PADI4: variants seen among roughly 807,000 people sequenced by gnomAD.
PADI4 encodes the protein protein-arginine deiminase type-4.
PADI4 carries 62 observed loss-of-function variants against 75.0 expected under a neutral mutation model. The ratio of observed to expected loss-of-function variants is 0.83; its 90% CI spans 0.67 to 1.02. PADI4 has a LOEUF of 1.02. Among genes scored for constraint, PADI4 ranks in the 50% least tolerant of loss-of-function variants. The pLI, the probability that PADI4 is intolerant of heterozygous loss-of-function variation, is 0.00. For synonymous variants in PADI4, 361 were observed against 348.1 expected, an observed-to-expected ratio of 1.04 and a Z score of -0.41; for missense variants, 845 against 850.5, an observed-to-expected ratio of 0.99 and a Z score of 0.08.
At position 17,356,379 on chromosome 1, in the gene PADI4, G is replaced by A. The variant is rs1285423398; in HGVS notation, c.1478G>A (p.Ser493Asn). The A allele has an allele frequency of 1.9e-6, 3 of 1,611,992 alleles. No homozygotes were observed. In the African/African-American group the frequency reaches 4.0e-5, roughly 22 times the overall value. The stretch of plus-strand genomic sequence containing the variant: ...CAGGGCTTCCGGCTGCTCCTGGCCA[G>A]CCCCAGGTCCTGCTACAAACTGTTC... Reference protein sequence around the residue: ...DRKGFRLLLASPRSCYKLFQE... With the variant: ...DRKGFRLLLANPRSCYKLFQE... The change falls in exon 13 of 16, where the codon AGC becomes AAC. Residue 493 changes from serine (S) to asparagine (N), a missense_variant. Physicochemically the swap from Ser to Asn is conservative, Grantham distance 46 (BLOSUM62 1). Coordinates refer to ENST00000375448, the MANE Select transcript of PADI4 (RefSeq NM_012387.3). This position sits in a 1 kb window ranked among gnomAD's most constrained non-coding sequence, Gnocchi z 4.1.
rs1268475402 is a variant in PADI4, at chr1:17,324,158, T to G, written c.93-6811T>G. Reference sequence around the variant, plus strand: ...AACACCAAGTTGGGTTTTTTTTGTTTTTTTTTTTTTGCAAAATGGTTAATT... The same window carrying G: ...AACACCAAGTTGGGTTTTTTTTGTTGTTTTTTTTTTGCAAAATGGTTAATT... On this transcript the variant is annotated intron_variant, in intron 1 of 15. Transcript: ENST00000375448. Among the ~76,000 whole-genome samples, 11 of 151,550 alleles carry G rather than the reference T, an allele frequency of 7.3e-5. 1 individual carries two copies. The Middle Eastern group carries it at 0.02, about 281-fold the overall frequency.
intron 4 of PADI4, 37 bp downstream of exon 4, chr1:17,336,263 T>G (rs1190475176): frequency 8.4e-6 from 13 of 1,545,106 alleles, no homozygotes; most frequent in South Asian, 7.8e-5. Context: ...CTACTTCTAC[T>G]GGATTCTCCC....
chr1:17,355,125 G>A (rs1390386682), intron 11 of PADI4, among the ~76,000 whole-genome samples: 1 of 152,096 alleles, frequency 6.6e-6, no homozygotes, highest in African/African-American at 2.4e-5. Flanking sequence ...TTTGAACTGA[G>A]GCCTAATGAC....
intron 8 of PADI4, among the ~76,000 whole-genome samples, chr1:17,343,963 G>C (rs1312394967): frequency 6.6e-6 from 1 of 152,164 alleles, no homozygotes; most frequent in Non-Finnish European, 1.5e-5. Context: ...TTTGGAACTG[G>C]GTAACAGACA....
In PADI4 at chr1:17,363,916, C is replaced by G. The variant is rs2074884548; in HGVS notation, c.*161C>G. On this transcript the variant is annotated 3_prime_UTR_variant, in exon 16 of 16. Transcript: ENST00000375448. ...TCCTGTGATGTCCCAGTTTCCCACT[C>G]TGAAGATCCCAACATGGTCCTAGCA... 1 of 591,836 alleles carries G rather than the reference C, an allele frequency of 1.7e-6. No homozygotes were observed. 36.7% of individuals were successfully genotyped at this position (591,836 alleles called of 1,614,324 possible).
In PADI4 at chr1:17,352,103, GTA is replaced by G. The variant is rs1347472269; in HGVS notation, c.1156-2429_1156-2428del. ...GCAGTCAGGGAGGTGATGGGAGGTG[GTA>G]GGAGAGACTGTGGTCAGAGAGGTGA... On this transcript the variant is annotated intron_variant, in intron 10 of 15. Coordinates refer to ENST00000375448, the MANE Select transcript of PADI4 (RefSeq NM_012387.3). Among the ~76,000 whole-genome samples, 23 of 137,000 alleles carry G rather than the reference GTA, an allele frequency of 1.7e-4. 2 individuals are homozygous for G. The highest frequency in any genetic ancestry group is 3.6e-4 in the Admixed American group (5 of 13,750). The allele number at this position is 137,000 out of a possible 152,430, so 89.9% of individuals were successfully genotyped here. A position where few individuals can be genotyped will look rare whatever the true frequency, so the allele number is the denominator to read the frequency against.
intron 8 of PADI4, among the ~76,000 whole-genome samples, chr1:17,342,637 C>G (rs1570055621): frequency 6.6e-6 from 1 of 152,150 alleles, no homozygotes; most frequent in Admixed American, 6.5e-5. Context: ...AGAGTGTGTC[C>G]CATGGACCTT....
chr1:17,317,394 G>A (rs1165200062), intron 1 of PADI4, among the ~76,000 whole-genome samples: 3 of 152,000 alleles, frequency 2.0e-5, no homozygotes, highest in Admixed American at 6.5e-5. Context: ...TCAGCCTCCT[G>A]AGTAGCTGGG....
intron 2 of PADI4, 123 bp from the exon 3 acceptor site, chr1:17,333,820 A>G: frequency 1.4e-6 from 1 of 703,802 alleles, no homozygotes; most frequent in Non-Finnish European, 2.6e-6. Context: ...CTTACAGGCT[A>G]GGACCAGTTC....
rs766898905 is a variant in PADI4, at chr1:17,359,300, C to T, written c.1650C>T (p.Arg550=). The change falls in exon 15 of 16, where the codon CGC becomes CGT. Residue 550 remains arginine, a synonymous_variant. Coordinates refer to ENST00000375448, the MANE Select transcript of PADI4 (RefSeq NM_012387.3). ...SFVERCIDWN[R]ELLKRELGLA... Reference sequence around the variant, plus strand: ...CCAAGAGATGCATCGACTGGAACCGCGAGCTGCTGAAGCGGGAGCTGGGCC... The same window carrying T: ...CCAAGAGATGCATCGACTGGAACCGTGAGCTGCTGAAGCGGGAGCTGGGCC... 28 of 1,613,406 alleles carry T rather than the reference C, an allele frequency of 1.7e-5. No homozygotes were observed. The highest frequency in any genetic ancestry group is 1.3e-4 in the Admixed American group (8 of 59,940).
intron 10 of PADI4, among the ~76,000 whole-genome samples, chr1:17,353,670 G>A (rs180691916): frequency 2.0e-5 from 3 of 152,252 alleles, no homozygotes; most frequent in Admixed American, 2.0e-4. Context: ...TGGTAAAAGG[G>A]ACTTTGCTGA....
intron 1 of PADI4, among the ~76,000 whole-genome samples, chr1:17,323,610 G>T (rs1047972752): frequency 1.3e-5 from 2 of 152,190 alleles, no homozygotes; most frequent in African/African-American, 4.8e-5. Flanking sequence ...CAAGGCAGCA[G>T]ATCACTTAAG....
intron 1 of PADI4, among the ~76,000 whole-genome samples, chr1:17,328,051 T>C (rs2074143474): frequency 6.6e-6 from 1 of 152,152 alleles, no homozygotes; most frequent in East Asian, 1.9e-4. Context: ...TCTCACTCTG[T>C]TGCCCAGGAT....
At chr1:17,320,842 G>A (rs1405711829) in intron 1 of PADI4, among the ~76,000 whole-genome samples, 1 of 152,176 alleles carries the variant, frequency 6.6e-6, no homozygotes. Context: ...CAGCCCAGCA[G>A]ATCTCAGCCT....
At chr1:17,333,834 C>G in intron 2 of PADI4, 109 bp from the exon 3 acceptor site, 1 of 787,508 alleles carries the variant, frequency 1.3e-6, no homozygotes, top group Non-Finnish European at 2.2e-6. Flanking sequence ...CCAGTTCTTG[C>G]CCAACTTTGT....
chr1:17,363,388 G>C, intron 15 of PADI4, 134 bp from the exon 16 acceptor site: 1 of 632,118 alleles, frequency 1.6e-6, no homozygotes, highest in South Asian at 1.9e-5. Flanking sequence ...CTCCCAAAGT[G>C]CTGGGACTAC....
At chr1:17,316,758 C>A (rs929448386) in intron 1 of PADI4, among the ~76,000 whole-genome samples, 1 of 151,204 alleles carries the variant, frequency 6.6e-6, no homozygotes, top group South Asian at 2.1e-4. Context: ...TAAAATAACA[C>A]CCCTGCCCAA....
Position 17,339,710 on chromosome 1 carries a change from GA to G in PADI4, c.550del (p.Thr184ProfsTer2). The G allele has an allele frequency of 6.2e-7, 1 of 1,613,974 alleles. No homozygotes were observed. On this transcript the variant is annotated frameshift_variant, in exon 6 of 16. Coordinates refer to ENST00000375448, the MANE Select transcript of PADI4 (RefSeq NM_012387.3). LOFTEE classifies it high-confidence loss of function. The stretch of plus-strand genomic sequence containing the variant: ...CAGACCTGCAGGACATGTCGCTGAT[GA>G]CCCTGAGCACGAAGACCCCCAAGGA... ...SEDLQDMSLM[T>X]LSTKTPKDFF...
intron 11 of PADI4, among the ~76,000 whole-genome samples, chr1:17,355,300 C>T (rs1316572830): frequency 6.6e-6 from 1 of 152,154 alleles, no homozygotes; most frequent in African/African-American, 2.4e-5. Context: ...ACCTGTAATC[C>T]CAGCACTTTG....
Sources: allele counts gnomAD v4.1 joint callset (sites outside exome capture counted in the v4.1 genomes callset), GRCh38; gene constraint gnomAD v4.1.1; non-coding constraint Gnocchi (gnomAD v3.1); transcripts MANE v1.5; gene names NCBI Gene and HGNC (gene_info 2026-07-23, HGNC 2026-07-21).